The following CCDC93 variants were observed in gnomAD, a reference collection of about 807,000 sequenced individuals.
CCDC93 encodes CCC complex scaffolding subunit CCDC93, also known as coiled-coil domain-containing protein 93.
CCDC93 carries 61 observed loss-of-function variants against 108.2 expected under a neutral mutation model. That is an observed-to-expected ratio of 0.56 (90% CI 0.46 to 0.70). The LOEUF is 0.70. Among genes scored for constraint, CCDC93 ranks in the 30% least tolerant of loss-of-function variants. The pLI is 0.00. For synonymous variants in CCDC93, 276 were observed against 260.4 expected (o/e 1.06, Z -0.58); for missense variants, 685 against 764.2 (o/e 0.90, Z 1.22).
At chr2:117,952,012 T>C (rs1178535430) in intron 13 of CCDC93, among the ~76,000 whole-genome samples, 1 of 152,102 alleles carries the variant, frequency 6.6e-6, no homozygotes, top group African/African-American at 2.4e-5. Context: ...TTAGAGTTAC[T>C]ATACAAGCTG....
rs1203213192 is a variant in CCDC93 at position 117,952,416 on chromosome 2, C to T, written c.1025G>A (p.Ser342Asn). The T allele has an allele frequency of 1.9e-6, 3 of 1,613,048 alleles. No homozygotes were observed. The highest frequency in any genetic ancestry group is 2.7e-5 in the African/African-American group (2 of 74,898). Residue 342 changes from serine (S) to asparagine (N), a missense_variant, in exon 13 of 24, where the codon AGC becomes AAC. Coordinates refer to ENST00000376300, the MANE Select transcript of CCDC93 (RefSeq NM_019044.5). ...HLEELRASHT[S>N]LQARYNEAKK... is the part of the protein sequence containing the mutation. ...GGCTTCATTATATCTGGCTTGTAGG[C>T]TGGTGTGACTTGCTCGCAGCTGTAA...
At chr2:117,989,546 G>C (rs1215506043) in intron 6 of CCDC93, among the ~76,000 whole-genome samples, 5 of 152,134 alleles carry the variant, frequency 3.3e-5, no homozygotes, top group African/African-American at 1.2e-4. Context: ...TCAGCTCCTT[G>C]AACATGGTCT....
intron 3 of CCDC93, 177 bp from the exon 4 acceptor site, chr2:118,001,109 G>A (rs1680836592): frequency 3.8e-6 from 2 of 523,652 alleles, no homozygotes; most frequent in African/African-American, 3.8e-5. Context: ...CAATTTGGTG[G>A]TGTGTAGGTG....
intron 10 of CCDC93, among the ~76,000 whole-genome samples, chr2:117,974,459 G>A (rs79277044): frequency 7.9e-4 from 120 of 152,242 alleles, no homozygotes; most frequent in Non-Finnish European, 1.3e-3. Context: ...TATACCTTCT[G>A]GACAGGCTTT....
chr2:117,952,003 TAG>T (rs1413471873), intron 13 of CCDC93, among the ~76,000 whole-genome samples: 2 of 151,994 alleles, frequency 1.3e-5, no homozygotes, highest in African/African-American at 4.8e-5. Flanking sequence ...TTCAGGATCT[TAG>T]AGTTACTATA....
chr2:118,006,404 C>A (rs187489101), intron 3 of CCDC93, among the ~76,000 whole-genome samples: 1 of 152,280 alleles, frequency 6.6e-6, no homozygotes, highest in Admixed American at 6.5e-5. Flanking sequence ...TGCTTTCTCT[C>A]GAAGACAGGC....
intron 15 of CCDC93, 132 bp from the exon 16 acceptor site, chr2:117,947,014 G>A: frequency 1.4e-6 from 1 of 699,246 alleles, no homozygotes. Context: ...TAATGAGGTA[G>A]CTGCCCTGAT....
At chr2:117,995,632 G>A (rs937567026) in intron 5 of CCDC93, 130 bp from the exon 6 acceptor site, 28 of 707,124 alleles carry the variant, frequency 4.0e-5, no homozygotes, top group East Asian at 8.0e-5. Context: ...CTCAATTTTC[G>A]AACAAATTGT....
intron 12 of CCDC93, among the ~76,000 whole-genome samples, chr2:117,956,186 C>T (rs1679209695): frequency 6.6e-6 from 1 of 152,208 alleles, no homozygotes; most frequent in Admixed American, 6.5e-5. Flanking sequence ...TCTCTAATTA[C>T]ATTAAACATT....
intron 23 of CCDC93, among the ~76,000 whole-genome samples, chr2:117,924,600 C>A (rs1302614060): frequency 1.3e-5 from 2 of 152,048 alleles, no homozygotes; most frequent in African/African-American, 4.8e-5. Context: ...AAAGAAATGA[C>A]CAAAGTCTCC....
At chr2:117,940,822 A>G (rs191994424) in intron 19 of CCDC93, among the ~76,000 whole-genome samples, 238 of 152,334 alleles carry the variant, frequency 1.6e-3, no homozygotes, top group African/African-American at 5.6e-3. Flanking sequence ...CATCAGCAAC[A>G]AAGTCTGTAG....
intron 23 of CCDC93, among the ~76,000 whole-genome samples, chr2:117,926,560 C>A (rs1343454140): frequency 1.3e-5 from 2 of 152,162 alleles, no homozygotes; most frequent in Non-Finnish European, 2.9e-5. Flanking sequence ...CCTCCCAAGA[C>A]TAAACGAGGA....
rs1201548646 is a variant in CCDC93, at chr2:118,000,948, A to G, written c.252-16T>C. On this transcript the variant is annotated splice_polypyrimidine_tract_variant and intron_variant, in intron 3 of 23. Transcript: ENST00000376300. Reference sequence around the variant, plus strand: ...TGACAGAGCTCTGTTCAGAAAAAGTAACAAGCAAAGAGTGAGGCATACTAA... The same window carrying G: ...TGACAGAGCTCTGTTCAGAAAAAGTGACAAGCAAAGAGTGAGGCATACTAA... The G allele has an allele frequency of 1.3e-6, 2 of 1,531,044 alleles. No individual in the cohort carries two copies. The highest frequency in any genetic ancestry group is 3.3e-5 in the Admixed American group (2 of 59,862). 94.8% of individuals were successfully genotyped at this position (1,531,044 alleles called of 1,614,324 possible). A position where few individuals can be genotyped will look rare whatever the true frequency, so the allele number is the denominator to read the frequency against.
intron 2 of CCDC93, among the ~76,000 whole-genome samples, chr2:118,007,921 C>T (rs954283645): frequency 6.6e-6 from 1 of 152,176 alleles, no homozygotes; most frequent in Non-Finnish European, 1.5e-5. Flanking sequence ...GATTTGAATG[C>T]GTCCTTTCTG....
intron 8 of CCDC93, among the ~76,000 whole-genome samples, chr2:117,977,240 A>G (rs1487618203): frequency 6.6e-6 from 1 of 152,192 alleles, no homozygotes. Flanking sequence ...GGCAGTGGCT[A>G]TGAGCACAGG....
Position 117,979,060 on chromosome 2 carries a change from C to T in CCDC93, c.621-1030G>A, listed in dbSNP as rs114226015. Among the ~76,000 whole-genome samples, 342 of 152,252 alleles carry T rather than the reference C, an allele frequency of 2.2e-3. 1 individual carries two copies. Among genetic ancestry groups the T allele is most frequent in the African/African-American group, 8.0e-3 (332 of 41,544 alleles). On this transcript the variant is annotated intron_variant, in intron 7 of 23. Coordinates refer to ENST00000376300, the MANE Select transcript of CCDC93 (RefSeq NM_019044.5). Reference sequence around the variant, plus strand: ...AAGTTTAAGGCTACTCTGTGCCTCACTTCTGGGTTGTGTGCTCACCTGGTC... The same window carrying T: ...AAGTTTAAGGCTACTCTGTGCCTCATTTCTGGGTTGTGTGCTCACCTGGTC...
Position 117,931,068 on chromosome 2 carries a change from A to G in CCDC93, c.1811T>C (p.Leu604Pro). 6.2e-7 allele frequency: 1 copy of G among 1,613,364 alleles called. No individual in the cohort carries two copies. Among genetic ancestry groups the G allele is most frequent in the Non-Finnish European group, 8.5e-7 (1 of 1,179,334 alleles). ...GAACTCTTTCACAGTCTTAAAGTAT[A>G]GCCTCTGCTTTTCTAACAGCTCCAA... Reference protein sequence around the residue: ...QYLELLEKQRLYFKTVKEFKE... With the variant: ...QYLELLEKQRPYFKTVKEFKE... The change falls in exon 23 of 24, where the codon CTA becomes CCA. Residue 604 changes from leucine to proline, a missense_variant. Coordinates refer to ENST00000376300, the MANE Select transcript of CCDC93 (RefSeq NM_019044.5).
At chr2:117,932,479 A>G (rs1253977614) in intron 22 of CCDC93, among the ~76,000 whole-genome samples, 1 of 152,158 alleles carries the variant, frequency 6.6e-6, no homozygotes, top group Non-Finnish European at 1.5e-5. Context: ...CCCACCACAT[A>G]TGGGGACTGA....
At chr2:117,945,294 T>C (rs1678832001) in intron 17 of CCDC93, among the ~76,000 whole-genome samples, 1 of 152,306 alleles carries the variant, frequency 6.6e-6, no homozygotes, top group Admixed American at 6.5e-5. Context: ...AACATGCTTG[T>C]ACACAGAACT....
Sources: gnomAD v4.1 joint callset for allele counts (sites outside exome capture counted in the v4.1 genomes callset) on GRCh38, gnomAD v4.1.1 for gene constraint, MANE v1.5 for transcripts, NCBI Gene and HGNC (gene_info 2026-07-23, HGNC 2026-07-21) for gene names.